The following CPLX1 variants were observed in gnomAD, a reference collection of about 807,000 sequenced individuals.
CPLX1 encodes complexin-1.
In CPLX1, 6 loss-of-function variants were observed where a neutral mutation model predicts 15.6. The observed-to-expected ratio is 0.39, with a 90% CI of 0.21 to 0.76. CPLX1 has a LOEUF of 0.76. CPLX1 is among the 30% of genes least tolerant of loss of function. CPLX1 has a pLI of 0.43. For missense variants in CPLX1, 242 were observed against 188.6 expected, an observed-to-expected ratio of 1.28 and a Z score of -1.66; for synonymous variants, 91 against 75.2, an observed-to-expected ratio of 1.21 and a Z score of -1.08.
At chr4:816,331 G>T (rs1449654416) in intron 2 of CPLX1, among the ~76,000 whole-genome samples, 1 of 148,466 alleles carries the variant, frequency 6.7e-6, no homozygotes, top group Non-Finnish European at 1.5e-5. Flanking sequence ...CAATTCTCCT[G>T]CCTCAGTCTC....
intron 1 of CPLX1, among the ~76,000 whole-genome samples, chr4:825,393 G>A (rs1335766418): frequency 6.6e-6 from 1 of 152,216 alleles, no homozygotes. Context: ...GACTCGCGCG[G>A]GGACTGGGAG....
At chr4:788,329 T>A in intron 3 of CPLX1, 1 of 985,306 alleles carries the variant, frequency 1.0e-6, no homozygotes, top group Non-Finnish European at 1.2e-6. Context: ...GGGCTGCAGG[T>A]GGCTCTGGGT....
chr4:788,413 C>T, intron 3 of CPLX1: 1 of 985,388 alleles, frequency 1.0e-6, no homozygotes, highest in Non-Finnish European at 1.2e-6. Context: ...GGCCAGACCA[C>T]CACCTGGCCA....
intron 2 of CPLX1, among the ~76,000 whole-genome samples, chr4:802,397 G>A (rs1577476601): frequency 2.0e-5 from 3 of 152,302 alleles, no homozygotes. Flanking sequence ...CTTAACCACG[G>A]TGATGGTGAA....
intron 2 of CPLX1, among the ~76,000 whole-genome samples, chr4:798,446 C>G (rs1246682692): frequency 6.6e-6 from 1 of 152,180 alleles, no homozygotes; most frequent in Non-Finnish European, 1.5e-5. Context: ...GGGTCTTGCT[C>G]CGTTGCCCAG....
chr4:792,311 G>T, intron 3 of CPLX1, 122 bp downstream of exon 3: 3 of 792,442 alleles, frequency 3.8e-6, no homozygotes, highest in Non-Finnish European at 5.5e-6. Context: ...AGCCCCCAAA[G>T]GGTAGGAGGC....
At chr4:800,734 AATAT>A (rs60050126) in intron 2 of CPLX1, among the ~76,000 whole-genome samples, 24 of 88,710 alleles carry the variant, frequency 2.7e-4, no homozygotes, top group East Asian at 9.1e-4. Context: ...TAAAAAAAAA[AATAT>A]ATATATATAT....
chr4:794,514 C>T (rs1436199365), intron 2 of CPLX1, among the ~76,000 whole-genome samples: 1 of 152,242 alleles, frequency 6.6e-6, no homozygotes, highest in African/African-American at 2.4e-5. Flanking sequence ...AACTGGGTCA[C>T]AGTAGAGTTG....
intron 2 of CPLX1, among the ~76,000 whole-genome samples, chr4:810,579 G>A (rs1435963342): frequency 6.6e-6 from 1 of 152,194 alleles, no homozygotes; most frequent in Non-Finnish European, 1.5e-5. Flanking sequence ...GCTGTGGTGT[G>A]TCCCCGTGAC....
chr4:812,138 G>C (rs1457433166), intron 2 of CPLX1, among the ~76,000 whole-genome samples: 1 of 152,146 alleles, frequency 6.6e-6, no homozygotes, highest in African/African-American at 2.4e-5. Flanking sequence ...GCAGTGGTGC[G>C]ATCTCAGCTC....
chr4:812,958 C>A (rs963330696), intron 2 of CPLX1, among the ~76,000 whole-genome samples: 1 of 151,922 alleles, frequency 6.6e-6, no homozygotes, highest in African/African-American at 2.4e-5. Context: ...CACAACCCCA[C>A]TAAGATGGGA....
intron 3 of CPLX1, among the ~76,000 whole-genome samples, chr4:789,144 G>A (rs541261642): frequency 6.6e-6 from 1 of 152,308 alleles, no homozygotes; most frequent in East Asian, 1.9e-4. Context: ...TCACTCTGCC[G>A]GGAAAACAGG....
chr4:801,188 G>A (rs964527646), intron 2 of CPLX1, among the ~76,000 whole-genome samples: 1 of 151,120 alleles, frequency 6.6e-6, no homozygotes, highest in Non-Finnish European at 1.5e-5. Context: ...CAGGCGTGGT[G>A]GCACGTGCCT....
intron 2 of CPLX1, among the ~76,000 whole-genome samples, chr4:814,716 A>G (rs1027240339): frequency 5.3e-5 from 8 of 152,274 alleles, no homozygotes; most frequent in African/African-American, 1.9e-4. Context: ...CGGGAGGAAC[A>G]CAAGGTTGGA....
intron 3 of CPLX1, among the ~76,000 whole-genome samples, chr4:790,638 T>C (rs1259358341): frequency 6.6e-6 from 1 of 152,072 alleles, no homozygotes; most frequent in Non-Finnish European, 1.5e-5. Flanking sequence ...AGCGTCCCTC[T>C]AGGATCATGC....
chr4:816,410 G>A (rs1746756967), intron 2 of CPLX1, among the ~76,000 whole-genome samples: 1 of 151,858 alleles, frequency 6.6e-6, no homozygotes, highest in Admixed American at 6.6e-5. Flanking sequence ...GTAGAGAACA[G>A]GGTTTCACCA....
chr4:816,102 C>A (rs185193525), intron 2 of CPLX1, among the ~76,000 whole-genome samples: 26 of 152,278 alleles, frequency 1.7e-4, no homozygotes, highest in African/African-American at 6.3e-4. Flanking sequence ...TCTCACCAGC[C>A]TGAGACCTCA....
intron 1 of CPLX1, chr4:824,938 C>T: frequency 2.7e-6 from 1 of 374,652 alleles, no homozygotes; most frequent in South Asian, 2.1e-5. Flanking sequence ...CTCCGCTCTG[C>T]AGCTCAGTGT....
chr4:792,052 C>G (rs545702678), intron 3 of CPLX1, among the ~76,000 whole-genome samples: 26 of 152,276 alleles, frequency 1.7e-4, no homozygotes, highest in African/African-American at 5.8e-4. Context: ...CCAGTGGGTG[C>G]CCCCCTCCCT....
Sources: allele counts gnomAD v4.1 joint callset (sites outside exome capture counted in the v4.1 genomes callset), GRCh38; gene constraint gnomAD v4.1.1; transcripts MANE v1.5; gene names NCBI Gene and HGNC (gene_info 2026-07-23, HGNC 2026-07-21).